ADGRL2: variants seen among roughly 807,000 people sequenced by gnomAD.
The protein encoded by ADGRL2 is calcium-independent alpha-latrotoxin receptor 2.
ADGRL2 carries 44 observed loss-of-function variants against 157.4 expected under a neutral mutation model. The ratio of observed to expected loss-of-function variants is 0.28; its 90% CI spans 0.22 to 0.36. The LOEUF is 0.36. Ranked by LOEUF, ADGRL2 falls within the 10% of genes least tolerant of loss-of-function variation. ADGRL2 has a pLI of 1.00. For missense variants in ADGRL2, 1,510 were observed against 1,768.9 expected, an observed-to-expected ratio of 0.85 and a Z score of 2.63; for synonymous variants, 585 against 624.7, an observed-to-expected ratio of 0.94 and a Z score of 0.95.
chr1:81,746,962 A>ATACACACG (rs200303768), intron 1 of ADGRL2, among the ~76,000 whole-genome samples: 14,175 of 147,198 alleles, frequency 0.096, 860 homozygotes, highest in African/African-American at 0.15. Context: ...ATATACGTAT[A>ATACACACG]TACACACGTA....
chr1:81,909,099 C>T (rs2094650758), intron 3 of ADGRL2, among the ~76,000 whole-genome samples: 1 of 152,128 alleles, frequency 6.6e-6, no homozygotes, highest in Non-Finnish European at 1.5e-5. Context: ...TGGTCTCAAA[C>T]TCCCAACCTC....
chr1:81,612,129 G>A (rs2081554825), intron 3 of ADGRL2, among the ~76,000 whole-genome samples: 1 of 152,110 alleles, frequency 6.6e-6, no homozygotes, highest in African/African-American at 2.4e-5. Context: ...GAATACACCT[G>A]CAGAACCAGA....
chr1:81,539,195 T>G (rs2079820907), intron 2 of ADGRL2, among the ~76,000 whole-genome samples: 1 of 152,172 alleles, frequency 6.6e-6, no homozygotes, highest in Admixed American at 6.5e-5. Context: ...ATAGATAAAT[T>G]ATTTTTGTGT....
At chr1:81,709,870 A>G (rs975460969) in intron 1 of ADGRL2, among the ~76,000 whole-genome samples, 4 of 152,354 alleles carry the variant, frequency 2.6e-5, no homozygotes, top group Admixed American at 2.6e-4. Context: ...TAAAATGTAT[A>G]CATTAATAAT....
intron 1 of ADGRL2, among the ~76,000 whole-genome samples, chr1:81,808,560 A>G (rs2089456707): frequency 6.6e-6 from 1 of 152,074 alleles, no homozygotes; most frequent in Admixed American, 6.6e-5. Flanking sequence ...TTTGTTTTTA[A>G]GTAGTTGCTT....
chr1:81,704,410 G>A (rs766009506), intron 1 of ADGRL2, among the ~76,000 whole-genome samples: 5 of 152,298 alleles, frequency 3.3e-5, no homozygotes, highest in African/African-American at 9.6e-5. Context: ...CCCTGGGAGC[G>A]GCGGGCCTGG....
intron 1 of ADGRL2, among the ~76,000 whole-genome samples, chr1:81,357,251 A>C (rs1477746861): frequency 6.6e-6 from 1 of 152,106 alleles, no homozygotes; most frequent in Non-Finnish European, 1.5e-5. Context: ...ATTTATGTTC[A>C]TAGCCTATGA....
intron 2 of ADGRL2, chr1:81,505,198 C>CCACACACA (rs371854437): frequency 2.4e-5 from 12 of 507,358 alleles, no homozygotes; most frequent in African/African-American, 1.9e-4. Context: ...ACCCCCACTC[C>CCACACACA]CACACACACA....
intron 1 of ADGRL2, among the ~76,000 whole-genome samples, chr1:81,740,080 A>G (rs1346211674): frequency 2.0e-5 from 3 of 152,238 alleles, no homozygotes; most frequent in Non-Finnish European, 4.4e-5. Context: ...TGTCAAAGGA[A>G]GATGAGGGTT....
At chr1:81,527,707 G>C (rs751143171) in intron 2 of ADGRL2, among the ~76,000 whole-genome samples, 11 of 150,502 alleles carry the variant, frequency 7.3e-5, no homozygotes, top group Non-Finnish European at 1.3e-4. Flanking sequence ...GCAAAACTCT[G>C]CCTCAAAAAA....
chr1:81,531,313 A>G (rs1232762730), intron 2 of ADGRL2, among the ~76,000 whole-genome samples: 1 of 152,130 alleles, frequency 6.6e-6, no homozygotes, highest in South Asian at 2.1e-4. Flanking sequence ...GGTAATGGAA[A>G]AAGAAAAGTC....
intron 1 of ADGRL2, among the ~76,000 whole-genome samples, chr1:81,359,420 C>G (rs7518796): frequency 6.6e-6 from 1 of 151,858 alleles, no homozygotes; most frequent in South Asian, 2.1e-4. Context: ...CATCGCTATC[C>G]CTAGAGGTAT....
At chr1:81,972,495 G>C (rs1206888967) in intron 17 of ADGRL2, among the ~76,000 whole-genome samples, 1 of 152,106 alleles carries the variant, frequency 6.6e-6, no homozygotes, top group Non-Finnish European at 1.5e-5. Flanking sequence ...AAATGAATTT[G>C]ATGCAAGTCA....
chr1:81,409,094 T>A (rs1417541009), intron 1 of ADGRL2, among the ~76,000 whole-genome samples: 1 of 152,204 alleles, frequency 6.6e-6, no homozygotes, highest in Admixed American at 6.5e-5. Context: ...TCTAATGTCT[T>A]ATCTATTGTT....
At chr1:81,964,669 T>C (rs143699493) in intron 11 of ADGRL2, among the ~76,000 whole-genome samples, 15 of 152,178 alleles carry the variant, frequency 9.9e-5, no homozygotes, top group African/African-American at 3.6e-4. Context: ...TACTGTACAA[T>C]GGTATGAGAT....
chr1:81,865,712 C>A (rs555061180), intron 2 of ADGRL2, among the ~76,000 whole-genome samples: 1 of 152,218 alleles, frequency 6.6e-6, no homozygotes, highest in African/African-American at 2.4e-5. Context: ...TAAAGGGAAG[C>A]AGAGGAGAGG....
chr1:81,837,449 A>G (rs2092339606), intron 2 of ADGRL2, among the ~76,000 whole-genome samples: 1 of 152,062 alleles, frequency 6.6e-6, no homozygotes, highest in Non-Finnish European at 1.5e-5. Context: ...TAAAACTCCT[A>G]AGTTAAAATA....
intron 1 of ADGRL2, among the ~76,000 whole-genome samples, chr1:81,717,450 T>C (rs537736014): frequency 3.2e-4 from 49 of 152,314 alleles, no homozygotes; most frequent in African/African-American, 1.2e-3. Flanking sequence ...GGCAATGAAG[T>C]GAAATGTCAA....
upstream of ADGRL2, among the ~76,000 whole-genome samples, chr1:81,696,470 T>G (rs1187281915): frequency 3.3e-5 from 5 of 152,088 alleles, no homozygotes; most frequent in South Asian, 2.1e-4. Flanking sequence ...AGAGAGGAGT[T>G]GGCCAGGCGC....
Sources: gnomAD v4.1 joint callset for allele counts (sites outside exome capture counted in the v4.1 genomes callset) on GRCh38, gnomAD v4.1.1 for gene constraint, MANE v1.5 for transcripts, NCBI Gene and HGNC (gene_info 2026-07-23, HGNC 2026-07-21) for gene names.